Variants in NFE2L2 observed in about 807,000 individuals in gnomAD.
The protein encoded by NFE2L2 is nuclear factor erythroid 2-related factor 2.
In NFE2L2, 20 loss-of-function variants were observed where a neutral mutation model predicts 49.6. The observed-to-expected ratio is 0.40, with a 90% CI of 0.28 to 0.59. The LOEUF (loss-of-function observed/expected upper bound fraction) is 0.59. Ranked by LOEUF, NFE2L2 falls within the 20% of genes least tolerant of loss-of-function variation. The pLI, the probability that NFE2L2 is intolerant of heterozygous loss-of-function variation, is 0.40. For synonymous variants in NFE2L2, 244 were observed against 256.5 expected, an observed-to-expected ratio of 0.95 and a Z score of 0.47; for missense variants, 578 against 714.2, an observed-to-expected ratio of 0.81 and a Z score of 2.17.
At chr2:177,247,446 G>A (rs1039201574) in intron 1 of NFE2L2, among the ~76,000 whole-genome samples, 10 of 152,114 alleles carry the variant, frequency 6.6e-5, no homozygotes, top group Non-Finnish European at 1.2e-4. Context: ...TGGATCGTAA[G>A]GTCAGGAGTT....
chr2:177,249,663 C>T (rs1690263907), intron 1 of NFE2L2, among the ~76,000 whole-genome samples: 2 of 152,006 alleles, frequency 1.3e-5, no homozygotes, highest in African/African-American at 4.8e-5. Flanking sequence ...TTATTTAACC[C>T]AATATATCCA....
Position 177,257,168 on chromosome 2 carries a change from G to A in NFE2L2, c.45+7364C>T, listed in dbSNP as rs543091919. 1.2e-4 allele frequency among the ~76,000 whole-genome samples: 18 copies of A among 152,342 alleles called. No homozygotes were observed. In the South Asian group the frequency reaches 2.3e-3, roughly 19 times the overall value. ...GAGATTTAAGTCTTTTGTTTTTAAC[G>A]GAGGAAGATAATGAGGCCCAGGAAC... On this transcript the variant is annotated intron_variant, in intron 1 of 4. Transcript: ENST00000397062.
intron 1 of NFE2L2, among the ~76,000 whole-genome samples, chr2:177,238,900 G>A (rs1384940897): frequency 6.6e-6 from 1 of 152,202 alleles, no homozygotes; most frequent in African/African-American, 2.4e-5. Context: ...TGCTCTTGAT[G>A]GTGGTTTTGT....
chr2:177,246,254 G>C (rs1177888623), intron 1 of NFE2L2, among the ~76,000 whole-genome samples: 1 of 152,160 alleles, frequency 6.6e-6, no homozygotes, highest in East Asian at 1.9e-4. Flanking sequence ...CTTGCATAGG[G>C]AGAGTTTTGC....
At chr2:177,255,125 A>G (rs1222179681) in intron 1 of NFE2L2, among the ~76,000 whole-genome samples, 1 of 152,256 alleles carries the variant, frequency 6.6e-6, no homozygotes, top group Non-Finnish European at 1.5e-5. Flanking sequence ...CAGACTTCCA[A>G]GAGTCCTGCA....
At chr2:177,259,545 G>C (rs1202663488) in intron 1 of NFE2L2, among the ~76,000 whole-genome samples, 16 of 152,066 alleles carry the variant, frequency 1.1e-4, no homozygotes, top group Non-Finnish European at 2.4e-4. Flanking sequence ...TATTTATTAT[G>C]GCAGAAACTG....
chr2:177,263,819 C>A, intron 1 of NFE2L2: 1 of 985,532 alleles, frequency 1.0e-6, no homozygotes, highest in Non-Finnish European at 1.2e-6. Flanking sequence ...CCCGGCTCAG[C>A]CGCCACACGT....
In NFE2L2 at chr2:177,231,807, A is replaced by G. The variant is rs575653117; in HGVS notation, c.796T>C (p.Leu266=). The change falls in exon 5 of 5, where the codon TTG becomes CTG. Residue 266 remains leucine (L), a synonymous_variant. Transcript: ENST00000397062. ...TCTGAATTTAATGAGTTCACTGTCA[A>G]CTGGTTGGGGTCTTCTGTGGAGAGG... ...SILSTEDPNQ[L]TVNSLNSDAT... is the part of the protein sequence containing the mutation. 8 of 1,614,102 alleles carry G rather than the reference A, an allele frequency of 5.0e-6. No individual in the cohort carries two copies. Among genetic ancestry groups the G allele is most frequent in the Non-Finnish European group, 6.8e-6 (8 of 1,180,036 alleles).
chr2:177,248,687 G>A (rs11690278), intron 1 of NFE2L2, among the ~76,000 whole-genome samples: 4,642 of 152,246 alleles, frequency 0.03, 170 homozygotes, highest in Non-Finnish European at 0.04. Flanking sequence ...GGCATTACAG[G>A]CATGAGCCAC....
intron 1 of NFE2L2, among the ~76,000 whole-genome samples, chr2:177,249,060 GA>G (rs961282721): frequency 1.4e-3 from 206 of 144,156 alleles, no homozygotes; most frequent in African/African-American, 4.2e-3. Context: ...CTACAAAAGA[GA>G]AAAAAAAAAA....
At position 177,263,845 on chromosome 2, in the gene NFE2L2, C is replaced by T. The variant is rs959510971; in HGVS notation, c.45+687G>A. On this transcript the variant is annotated intron_variant, in intron 1 of 4. Coordinates refer to ENST00000397062, the MANE Select transcript of NFE2L2 (RefSeq NM_006164.5). ...CGCCACACGTCGGGGCTTCTGAGCC[C>T]GCTGGGCACTTAAGGCGCTCCTCCC... 1.2e-5 allele frequency: 12 copies of T among 985,498 alleles called. No homozygotes were observed. In the East Asian group the frequency reaches 1.0e-3, roughly 84 times the overall value. The allele number at this position is 985,498 out of a possible 1,614,324, so 61.0% of individuals were successfully genotyped here.
chr2:177,231,914 G>A lies in NFE2L2; in HGVS notation c.689C>T (p.Ser230Leu). ...LTEVDNYHFY[S>L]SIPSMEKEVG... ...TTCTTTTTCCATTGAGGGTATAGAT[G>A]AGTAAAAATGATAATTGTCAACTTC... Residue 230 changes from serine to leucine, a missense_variant, in exon 5 of 5, where the codon TCA (serine) becomes TTA (leucine). Around this residue, in one of 3 missense-constraint regions of NFE2L2, gnomAD observed 368 missense variants for 384.6 expected, o/e 0.96. Coordinates refer to ENST00000397062, the MANE Select transcript of NFE2L2 (RefSeq NM_006164.5). 6.2e-7 allele frequency: 1 copy of A among 1,614,128 alleles called. No homozygotes were observed. Among genetic ancestry groups the A allele is most frequent in the Non-Finnish European group, 8.5e-7 (1 of 1,180,004 alleles).
intron 1 of NFE2L2, among the ~76,000 whole-genome samples, chr2:177,248,279 A>T (rs566112119): frequency 1.3e-5 from 2 of 152,400 alleles, no homozygotes; most frequent in African/African-American, 4.8e-5. Context: ...ATCACTTAAA[A>T]ATTCATTAAA....
At position 177,231,767 on chromosome 2, in the gene NFE2L2, GTGT is replaced by G. The variant is rs1339369408; in HGVS notation, c.833_835del (p.Asn278del). Reference sequence around the variant, plus strand: ...AGAATAAAATTCATCACCAAAATCTGTGTTGACTGTGGCATCTGAATTTAATGA... The same window carrying G: ...AGAATAAAATTCATCACCAAAATCTGTGACTGTGGCATCTGAATTTAATGA... On this transcript the variant is annotated inframe_deletion, in exon 5 of 5. Coordinates refer to ENST00000397062, the MANE Select transcript of NFE2L2 (RefSeq NM_006164.5). 1 of 1,614,202 alleles carries G rather than the reference GTGT, an allele frequency of 6.2e-7. No individual in the cohort carries two copies. Among genetic ancestry groups the G allele is most frequent in the East Asian group, 2.2e-5 (1 of 44,892 alleles).
intron 1 of NFE2L2, among the ~76,000 whole-genome samples, chr2:177,250,551 C>A (rs1690298454): frequency 6.6e-6 from 1 of 152,248 alleles, no homozygotes; most frequent in African/African-American, 2.4e-5. Context: ...TGACCTCCTT[C>A]ATATGCACAC....
chr2:177,263,774 C>G, intron 1 of NFE2L2: 2 of 985,538 alleles, frequency 2.0e-6, no homozygotes, highest in Non-Finnish European at 2.4e-6. Context: ...GGTGCCCGAG[C>G]CCGAACCCCT....
At chr2:177,249,461 T>C (rs1446381750) in intron 1 of NFE2L2, among the ~76,000 whole-genome samples, 1 of 152,158 alleles carries the variant, frequency 6.6e-6, no homozygotes, top group Non-Finnish European at 1.5e-5. Flanking sequence ...CCCAAGATCC[T>C]TTCCTCTAAA....
At chr2:177,256,661 T>C (rs908741193) in intron 1 of NFE2L2, among the ~76,000 whole-genome samples, 29 of 152,180 alleles carry the variant, frequency 1.9e-4, no homozygotes, top group African/African-American at 7.0e-4. Context: ...AATAACAGGA[T>C]ACCATTTTCA....
chr2:177,263,999 A>G (rs1690843166), intron 1 of NFE2L2: 3 of 963,564 alleles, frequency 3.1e-6, no homozygotes, highest in African/African-American at 1.8e-5. Flanking sequence ...GCACTCAAGG[A>G]GGTCTTGGGG....
Sources: allele counts gnomAD v4.1 joint callset (sites outside exome capture counted in the v4.1 genomes callset), GRCh38; gene constraint gnomAD v4.1.1; regional missense constraint gnomAD v4.1.1; transcripts MANE v1.5; gene names NCBI Gene and HGNC (gene_info 2026-07-23, HGNC 2026-07-21).